SH3BGRL2: variants seen among roughly 807,000 people sequenced by gnomAD.
SH3BGRL2 encodes the protein SH3 domain binding glutamate rich protein like 2.
In SH3BGRL2, 21 loss-of-function variants were observed where a neutral mutation model predicts 14.8. That is an observed-to-expected ratio of 1.42 (90% CI 1.01 to 2.05). The LOEUF (loss-of-function observed/expected upper bound fraction) is 2.05, where lower values mean the gene tolerates loss of function less well. Among genes scored for constraint, SH3BGRL2 ranks in the 30% most tolerant of loss-of-function variants. The pLI, the probability that SH3BGRL2 is intolerant of heterozygous loss-of-function variation, is 0.00. For synonymous variants in SH3BGRL2, 50 were observed against 47.8 expected (o/e 1.05, Z -0.19); for missense variants, 147 against 130.8 (o/e 1.12, Z -0.61).
chr6:79,608,093 A>G, the SH3BGRL2 span, among the ~76,000 whole-genome samples: 9 of 152,286 alleles, frequency 5.9e-5, no homozygotes, highest in East Asian at 1.2e-3. Context: ...AACAGGAGGA[A>G]GAGAGCTAAG....
chr6:79,654,916 A>G (rs1375599577), intron 1 of SH3BGRL2, among the ~76,000 whole-genome samples: 1 of 152,174 alleles, frequency 6.6e-6, no homozygotes, highest in Non-Finnish European at 1.5e-5. Flanking sequence ...TCCTTGTCTT[A>G]ACCTGGTTTA....
intron 1 of SH3BGRL2, among the ~76,000 whole-genome samples, chr6:79,648,255 C>CGCATATATATATAT (rs749278658): frequency 5.4e-4 from 34 of 62,468 alleles, no homozygotes; most frequent in Non-Finnish European, 8.4e-4. Flanking sequence ...ATTCTTTTGG[C>CGCATATATATATAT]ATATATATAT....
At chr6:79,613,350 C>G in the SH3BGRL2 span, among the ~76,000 whole-genome samples, 1 of 152,088 alleles carries the variant, frequency 6.6e-6, no homozygotes, top group Non-Finnish European at 1.5e-5. Flanking sequence ...AAGTCATGAC[C>G]AAGTGAAGAA....
chr6:79,582,624 C>A, the SH3BGRL2 span, among the ~76,000 whole-genome samples: 3 of 152,254 alleles, frequency 2.0e-5, no homozygotes, highest in Non-Finnish European at 4.4e-5. Context: ...ACACCTTATA[C>A]AAAAATTAAT....
chr6:79,659,640 T>A (rs558682853), intron 1 of SH3BGRL2, among the ~76,000 whole-genome samples: 1 of 152,344 alleles, frequency 6.6e-6, no homozygotes, highest in Admixed American at 6.5e-5. Context: ...TGGTTCCGTA[T>A]GAACTTTAAA....
the SH3BGRL2 span, among the ~76,000 whole-genome samples, chr6:79,589,703 T>A: frequency 1.2e-3 from 176 of 152,244 alleles, no homozygotes; most frequent in African/African-American, 3.9e-3. Flanking sequence ...ATGGAAAGCA[T>A]AATTATAGTA....
chr6:79,661,082 C>T (rs191942375), intron 1 of SH3BGRL2, among the ~76,000 whole-genome samples: 12 of 152,222 alleles, frequency 7.9e-5, no homozygotes, highest in Non-Finnish European at 1.6e-4. Context: ...AAAAAACCAG[C>T]TCCTGGATTC....
the SH3BGRL2 span, among the ~76,000 whole-genome samples, chr6:79,626,137 G>T: frequency 1.3e-5 from 2 of 152,166 alleles, no homozygotes; most frequent in South Asian, 2.1e-4. Flanking sequence ...TAAAATCTGG[G>T]CCAGGTGTGC....
intron 2 of SH3BGRL2, among the ~76,000 whole-genome samples, chr6:79,674,824 G>A (rs759999646): frequency 1.1e-4 from 16 of 152,250 alleles, no homozygotes; most frequent in Admixed American, 7.2e-4. Context: ...GCCTTATGTC[G>A]GCTGGGACAC....
chr6:79,577,542 G>C, the SH3BGRL2 span, among the ~76,000 whole-genome samples: 22 of 152,102 alleles, frequency 1.4e-4, no homozygotes, highest in Admixed American at 1.0e-3. Flanking sequence ...TTCCTCCACT[G>C]ATCTAGTTTA....
intron 1 of SH3BGRL2, among the ~76,000 whole-genome samples, chr6:79,658,499 T>C (rs1769470761): frequency 6.6e-6 from 1 of 152,226 alleles, no homozygotes; most frequent in Non-Finnish European, 1.5e-5. Flanking sequence ...TGCATAGTAT[T>C]CCATGGTGTA....
chr6:79,630,407 G>A (rs1768799310), upstream of SH3BGRL2, among the ~76,000 whole-genome samples: 2 of 151,882 alleles, frequency 1.3e-5, no homozygotes, highest in Admixed American at 1.3e-4. Flanking sequence ...GGTTCCTTTC[G>A]ACAAAACTGA....
chr6:79,697,072 A>G (rs1206180797), intron 3 of SH3BGRL2, among the ~76,000 whole-genome samples: 2 of 152,290 alleles, frequency 1.3e-5, no homozygotes, highest in East Asian at 3.9e-4. Flanking sequence ...AAAGGAGCCA[A>G]TATTTTCTCA....
chr6:79,681,208 T>C (rs1248499167), intron 2 of SH3BGRL2, among the ~76,000 whole-genome samples: 1 of 152,204 alleles, frequency 6.6e-6, no homozygotes. Context: ...TGTTTTATAA[T>C]GAAGAGAGAA....
At chr6:79,648,948 A>G (rs577203733) in intron 1 of SH3BGRL2, among the ~76,000 whole-genome samples, 1 of 152,308 alleles carries the variant, frequency 6.6e-6, no homozygotes, top group South Asian at 2.1e-4. Context: ...AGAATTCTAG[A>G]ACCATGTAGA....
chr6:79,541,506 T>C, the SH3BGRL2 span, among the ~76,000 whole-genome samples: 3,375 of 152,272 alleles, frequency 0.022, 121 homozygotes, highest in African/African-American at 0.077. Flanking sequence ...AAGGCAGGCT[T>C]TCCCTTCCAG....
the SH3BGRL2 span, among the ~76,000 whole-genome samples, chr6:79,601,980 GA>G: frequency 1.3e-5 from 2 of 152,058 alleles, no homozygotes; most frequent in Non-Finnish European, 2.9e-5. Flanking sequence ...TAGCTACATT[GA>G]GCAACAGCTT....
At chr6:79,623,830 A>G in the SH3BGRL2 span, among the ~76,000 whole-genome samples, 1 of 152,214 alleles carries the variant, frequency 6.6e-6, no homozygotes, top group East Asian at 1.9e-4. Context: ...AGAATAATAA[A>G]AATAATTGCT....
intron 2 of SH3BGRL2, among the ~76,000 whole-genome samples, chr6:79,696,107 A>G (rs909226413): frequency 2.6e-5 from 4 of 152,174 alleles, no homozygotes; most frequent in Non-Finnish European, 5.9e-5. Flanking sequence ...AGATAACAAA[A>G]TATCAAGAGT....
Sources: allele counts gnomAD v4.1 joint callset (sites outside exome capture counted in the v4.1 genomes callset), GRCh38; gene constraint gnomAD v4.1.1; transcripts MANE v1.5; gene names NCBI Gene and HGNC (gene_info 2026-07-23, HGNC 2026-07-21).